The following PLCL1 variants were observed in gnomAD, a reference collection of about 807,000 sequenced individuals.
The protein encoded by PLCL1 is inactive phospholipase C-like protein 1.
In PLCL1, 41 loss-of-function variants were observed where a neutral mutation model predicts 84.4. The observed-to-expected ratio is 0.49, with a 90% confidence interval of 0.38 to 0.63. PLCL1 has a LOEUF of 0.63. Ranked by LOEUF, PLCL1 falls within the 30% of genes least tolerant of loss-of-function variation. The pLI is 0.00. For synonymous variants in PLCL1, 490 were observed against 488.3 expected, an observed-to-expected ratio of 1.00 and a Z score of -0.05; for missense variants, 1,206 against 1,367.8, an observed-to-expected ratio of 0.88 and a Z score of 1.87.
At chr2:197,877,880 G>T (rs1687766449) in intron 1 of PLCL1, among the ~76,000 whole-genome samples, 1 of 152,088 alleles carries the variant, frequency 6.6e-6, no homozygotes, top group African/African-American at 2.4e-5. Context: ...TTAAAATTGT[G>T]TGCAAATGTA....
At chr2:197,908,840 A>G (rs1029302093) in intron 1 of PLCL1, among the ~76,000 whole-genome samples, 2 of 152,220 alleles carry the variant, frequency 1.3e-5, no homozygotes, top group Non-Finnish European at 2.9e-5. Flanking sequence ...TTAAAAATAG[A>G]AAATGTGTGT....
intron 1 of PLCL1, among the ~76,000 whole-genome samples, chr2:197,823,648 A>C (rs1249166546): frequency 2.0e-5 from 3 of 152,112 alleles, no homozygotes; most frequent in African/African-American, 7.2e-5. Flanking sequence ...GCCATATCTA[A>C]CCAGGTTGGA....
At chr2:197,858,999 G>GGA (rs1687380620) in intron 1 of PLCL1, among the ~76,000 whole-genome samples, 1 of 152,058 alleles carries the variant, frequency 6.6e-6, no homozygotes, top group Non-Finnish European at 1.5e-5. Flanking sequence ...CTTTAAAGAG[G>GGA]GAGAGAGAGA....
chr2:197,850,550 T>C (rs1055071159), intron 1 of PLCL1, among the ~76,000 whole-genome samples: 7 of 152,048 alleles, frequency 4.6e-5, no homozygotes, highest in African/African-American at 1.7e-4. Context: ...ATTAGGAGGG[T>C]TCAGTACTTG....
intron 1 of PLCL1, among the ~76,000 whole-genome samples, chr2:197,959,304 T>C (rs552050830): frequency 5.5e-4 from 84 of 151,998 alleles, no homozygotes; most frequent in Non-Finnish European, 8.7e-4. Flanking sequence ...CTGAAATCAG[T>C]CTTCTCCAGA....
chr2:198,079,170 G>T (rs1006939354), intron 1 of PLCL1, among the ~76,000 whole-genome samples: 1 of 151,534 alleles, frequency 6.6e-6, no homozygotes, highest in African/African-American at 2.4e-5. Flanking sequence ...ATCTTATTGG[G>T]CTTAGGGAGA....
At chr2:198,146,621 T>C (rs183038638) in intron 5 of PLCL1, among the ~76,000 whole-genome samples, 159 bp from the exon 6 acceptor site, 16 of 152,272 alleles carry the variant, frequency 1.1e-4, no homozygotes, top group Admixed American at 3.9e-4. Flanking sequence ...CTTAATAATG[T>C]TAGAAAAGAA....
In PLCL1 at chr2:198,060,224, C is replaced by A. The variant is rs191464417; in HGVS notation, c.241-23534C>A. Among the ~76,000 whole-genome samples the A allele has an allele frequency of 6.7e-3, 1,022 of 152,300 alleles. 4 individuals carry two copies. Among genetic ancestry groups the A allele is most frequent in the Non-Finnish European group, 0.011 (717 of 68,032 alleles). The stretch of plus-strand genomic sequence containing the variant: ...TGATAGTCTGTCCATTCATTTCCTG[C>A]CATCTTCACCGCTGAAAAGTGTACT... On this transcript the variant is annotated intron_variant, in intron 1 of 5. Transcript: ENST00000428675.
At chr2:198,055,264 T>C (rs1440155559) in intron 1 of PLCL1, among the ~76,000 whole-genome samples, 2 of 145,924 alleles carry the variant, frequency 1.4e-5, no homozygotes, top group East Asian at 2.1e-4. Flanking sequence ...ACCCATAATA[T>C]TCACAAACCT....
chr2:198,006,211 G>T (rs954173709), intron 1 of PLCL1, among the ~76,000 whole-genome samples: 11 of 152,150 alleles, frequency 7.2e-5, no homozygotes, highest in African/African-American at 2.7e-4. Context: ...ATGTTTTGAT[G>T]CAGAAGTAAG....
At chr2:198,130,843 T>C (rs1044034768) in intron 5 of PLCL1, among the ~76,000 whole-genome samples, 1 of 152,144 alleles carries the variant, frequency 6.6e-6, no homozygotes, top group Admixed American at 6.5e-5. Flanking sequence ...TCACCTGAGT[T>C]AGTGAAAAGT....
At chr2:197,993,017 G>T (rs1351843515) in intron 1 of PLCL1, among the ~76,000 whole-genome samples, 4 of 152,086 alleles carry the variant, frequency 2.6e-5, no homozygotes, top group African/African-American at 9.7e-5. Flanking sequence ...CTTTTTTGGG[G>T]TATATACCCA....
intron 1 of PLCL1, among the ~76,000 whole-genome samples, chr2:197,829,938 C>T (rs1033415113): frequency 6.6e-6 from 1 of 152,172 alleles, no homozygotes; most frequent in South Asian, 2.1e-4. Flanking sequence ...TCTACATTTA[C>T]TCATTTACAA....
intron 5 of PLCL1, among the ~76,000 whole-genome samples, chr2:198,140,502 A>G (rs1694360923): frequency 6.6e-6 from 1 of 152,128 alleles, no homozygotes; most frequent in South Asian, 2.1e-4. Flanking sequence ...GTTAACCAAG[A>G]CTTCTTGATA....
At chr2:197,933,962 AG>A (rs1487614306) in intron 1 of PLCL1, among the ~76,000 whole-genome samples, 1 of 152,214 alleles carries the variant, frequency 6.6e-6, no homozygotes, top group Non-Finnish European at 1.5e-5. Flanking sequence ...AAATGGTTAT[AG>A]CTGCAGAAAT....
intron 4 of PLCL1, 52 bp from the exon 5 acceptor site, chr2:198,103,775 C>T: frequency 2.5e-6 from 2 of 788,358 alleles, no homozygotes; most frequent in African/African-American, 1.8e-5. Flanking sequence ...TTATAAGATG[C>T]CCATTTTTCT....
At chr2:197,877,749 C>T (rs938005455) in intron 1 of PLCL1, among the ~76,000 whole-genome samples, 3 of 151,924 alleles carry the variant, frequency 2.0e-5, no homozygotes, top group Admixed American at 6.6e-5. Context: ...AGAGCAAATC[C>T]TAAAATAAAT....
chr2:197,837,344 A>G (rs1043459295), intron 1 of PLCL1, among the ~76,000 whole-genome samples: 7 of 152,232 alleles, frequency 4.6e-5, no homozygotes, highest in African/African-American at 1.4e-4. Flanking sequence ...AATAGTAAGT[A>G]TATTTTAAAT....
intron 1 of PLCL1, among the ~76,000 whole-genome samples, chr2:198,023,988 G>A (rs980314344): frequency 2.6e-5 from 4 of 152,114 alleles, no homozygotes; most frequent in Non-Finnish European, 4.4e-5. Flanking sequence ...CAAAGACTTG[G>A]AACTAACCCA....
Sources: gnomAD v4.1 joint callset for allele counts (sites outside exome capture counted in the v4.1 genomes callset) on GRCh38, gnomAD v4.1.1 for gene constraint, MANE v1.5 for transcripts, NCBI Gene and HGNC (gene_info 2026-07-23, HGNC 2026-07-21) for gene names.